Variants in MAN2A1 observed in about 807,000 individuals in gnomAD.
The protein encoded by MAN2A1 is mannosidase alpha class 2A member 1, also known as alpha-mannosidase 2.
MAN2A1 carries 76 observed loss-of-function variants against 142.6 expected under a neutral mutation model. That is an observed-to-expected ratio of 0.53 (90% CI 0.44 to 0.65). The LOEUF is 0.65. Ranked by LOEUF, MAN2A1 falls within the 30% of genes least tolerant of loss-of-function variation. The pLI is 0.00. For synonymous variants in MAN2A1, 559 were observed against 473.2 expected (o/e 1.18, Z -2.35); for missense variants, 1,311 against 1,365.1 (o/e 0.96, Z 0.62).
chr5:109,700,365 C>T (rs4388249), intron 1 of MAN2A1, among the ~76,000 whole-genome samples: 27,157 of 150,090 alleles, frequency 0.18, 3,362 homozygotes, highest in East Asian at 0.64. Context: ...GCTTTGTTTC[C>T]TTTGTGATGA....
At chr5:109,794,309 G>A (rs1465151500) in intron 12 of MAN2A1, 2 of 152,176 alleles carry the variant, frequency 1.3e-5, no homozygotes, top group African/African-American at 4.8e-5. Flanking sequence ...GGAGATGGAA[G>A]TGTTAGCTGC....
At position 109,774,807 on chromosome 5, in the gene MAN2A1, C is replaced by G. The variant is rs1753239243; in HGVS notation, c.1216C>G (p.Gln406Glu). The G allele has an allele frequency of 6.2e-7, 1 of 1,611,606 alleles. No homozygotes were observed. The highest frequency in any genetic ancestry group is 1.1e-5 in the South Asian group (1 of 90,774). Residue 406 changes from glutamine (Q) to glutamate (E), a missense_variant, in exon 8 of 22, where the codon CAG (glutamine) becomes GAG (glutamate). Coordinates refer to ENST00000261483, the MANE Select transcript of MAN2A1 (RefSeq NM_002372.4). ...VQSRARMLLDQYRKKSKLFRT... is the reference protein window; with the variant it reads ...VQSRARMLLDEYRKKSKLFRT... ...TTGTAGGGCTCGGATGCTACTAGAT[C>G]AGTACCGAAAGAAGTCAAAGCTTTT...
chr5:109,784,614 A>G, intron 9 of MAN2A1, 130 bp from the exon 10 acceptor site: 1 of 641,300 alleles, frequency 1.6e-6, no homozygotes, highest in East Asian at 2.8e-5. Flanking sequence ...ATTATTACCA[A>G]TATCTTTTTC....
chr5:109,702,718 A>G (rs186099347), intron 1 of MAN2A1, among the ~76,000 whole-genome samples: 1 of 152,312 alleles, frequency 6.6e-6, no homozygotes, highest in Non-Finnish European at 1.5e-5. Flanking sequence ...GAACTCCAGA[A>G]ATTTGTATCC....
chr5:109,770,942 A>T (rs897158545), intron 7 of MAN2A1, among the ~76,000 whole-genome samples: 3 of 152,236 alleles, frequency 2.0e-5, no homozygotes, highest in African/African-American at 7.2e-5. Context: ...GGAGCACATA[A>T]AGAGTGTAAT....
intron 4 of MAN2A1, among the ~76,000 whole-genome samples, chr5:109,746,573 T>G (rs1457361724): frequency 4.9e-5 from 5 of 101,458 alleles, no homozygotes; most frequent in East Asian, 4.5e-4. Flanking sequence ...ATTGTGCTGG[T>G]TTTTTTTTTT....
chr5:109,817,581 C>A, intron 13 of MAN2A1, 143 bp downstream of exon 13: 2 of 727,662 alleles, frequency 2.7e-6, no homozygotes, highest in Non-Finnish European at 4.5e-6. Context: ...GAGAGTTTAA[C>A]TGGTGGGTCA....
At chr5:109,852,223 A>G (rs1378797629) in intron 19 of MAN2A1, among the ~76,000 whole-genome samples, 1 of 151,738 alleles carries the variant, frequency 6.6e-6, no homozygotes, top group Non-Finnish European at 1.5e-5. Flanking sequence ...GTCTTCAGCT[A>G]CAGATACTTA....
At chr5:109,788,911 C>A in intron 10 of MAN2A1, 23 bp from the exon 11 acceptor site, 3 of 1,078,144 alleles carry the variant, frequency 2.8e-6, no homozygotes, top group Non-Finnish European at 1.4e-6. Flanking sequence ...GTTTCTCAGA[C>A]TAATAAAATT....
chr5:109,705,700 A>G (rs1378457897), intron 1 of MAN2A1, among the ~76,000 whole-genome samples: 1 of 152,248 alleles, frequency 6.6e-6, no homozygotes, highest in Non-Finnish European at 1.5e-5. Context: ...TTAGGTCAGA[A>G]GTCTGAAACA....
intron 13 of MAN2A1, among the ~76,000 whole-genome samples, chr5:109,819,310 G>A (rs1019985417): frequency 2.0e-5 from 3 of 152,082 alleles, no homozygotes; most frequent in African/African-American, 7.2e-5. Flanking sequence ...AATTCTAATT[G>A]GACATAACCC....
chr5:109,729,647 T>G (rs912416468), intron 4 of MAN2A1, 134 bp downstream of exon 4: 1 of 504,874 alleles, frequency 2.0e-6, no homozygotes, highest in Non-Finnish European at 3.3e-6. Flanking sequence ...ACATACCGTT[T>G]TCGTTGATTT....
rs533159731 is a variant in MAN2A1, at chr5:109,770,226, G to A, written c.1010-129G>A. ...TACCGCTGGGGTATATGTACTGGAA[G>A]TTAAAGGGGCTGCTGATTTAGCACA... On this transcript the variant is annotated intron_variant, in intron 6 of 21. Transcript: ENST00000261483. The A allele has an allele frequency of 3.2e-5, 25 of 791,114 alleles. No individual in the cohort carries two copies. The East Asian group carries it at 6.1e-4, about 19-fold the overall frequency. 49.0% of individuals were successfully genotyped at this position (791,114 alleles called of 1,614,324 possible). A position where few individuals can be genotyped will look rare whatever the true frequency, so the allele number is the denominator to read the frequency against.
At chr5:109,719,417 G>T (rs1041026477) in intron 3 of MAN2A1, among the ~76,000 whole-genome samples, 2 of 152,094 alleles carry the variant, frequency 1.3e-5, no homozygotes, top group Non-Finnish European at 2.9e-5. Context: ...GTGAAAAACT[G>T]AATTATTCAC....
chr5:109,737,445 A>AT (rs34188816), intron 4 of MAN2A1, among the ~76,000 whole-genome samples: 39 of 146,926 alleles, frequency 2.7e-4, no homozygotes, highest in Middle Eastern at 3.5e-3. Flanking sequence ...AGATTTTTGA[A>AT]TTTTTTTTTT....
At chr5:109,818,962 C>G (rs1212346144) in intron 13 of MAN2A1, among the ~76,000 whole-genome samples, 1 of 152,172 alleles carries the variant, frequency 6.6e-6, no homozygotes, top group Non-Finnish European at 1.5e-5. Flanking sequence ...TATGGATGCT[C>G]AAGTCCTTTA....
At chr5:109,723,104 T>C (rs1463908520) in intron 3 of MAN2A1, among the ~76,000 whole-genome samples, 1 of 152,188 alleles carries the variant, frequency 6.6e-6, no homozygotes, top group Non-Finnish European at 1.5e-5. Context: ...GTCACAGTTG[T>C]ACATTGTACG....
intron 4 of MAN2A1, among the ~76,000 whole-genome samples, chr5:109,735,640 C>T (rs1752069410): frequency 6.6e-6 from 1 of 152,106 alleles, no homozygotes; most frequent in African/African-American, 2.4e-5. Flanking sequence ...ACACTGGGAG[C>T]TGTAGACCGG....
At chr5:109,816,684 C>A (rs992664314) in intron 12 of MAN2A1, among the ~76,000 whole-genome samples, 1 of 151,876 alleles carries the variant, frequency 6.6e-6, no homozygotes, top group African/African-American at 2.4e-5. Context: ...TTTTTTTATT[C>A]TGTGAGATTA....
Sources: allele counts gnomAD v4.1 joint callset (sites outside exome capture counted in the v4.1 genomes callset), GRCh38; gene constraint gnomAD v4.1.1; transcripts MANE v1.5; gene names NCBI Gene and HGNC (gene_info 2026-07-23, HGNC 2026-07-21).